TANGO6: variants seen among roughly 807,000 people sequenced by gnomAD.
TANGO6 encodes the protein transport and golgi organization 6 homolog, also known as transport and Golgi organization protein 6 homolog.
A neutral mutation model predicts 114.2 loss-of-function variants in TANGO6; 90 were observed. That is an observed-to-expected ratio of 0.79 (90% confidence interval 0.66 to 0.94). The LOEUF (loss-of-function observed/expected upper bound fraction) is 0.94. Ranked by LOEUF, TANGO6 falls within the 40% of genes least tolerant of loss-of-function variation. The pLI is 0.00. For synonymous variants in TANGO6, 477 were observed against 509.8 expected, an observed-to-expected ratio of 0.94 and a Z score of 0.87; for missense variants, 1,274 against 1,315.3, an observed-to-expected ratio of 0.97 and a Z score of 0.49.
chr16:68,860,181 C>A lies in TANGO6; in HGVS notation c.392C>A (p.Ala131Asp). The change falls in exon 2 of 18, where the codon GCC becomes GAC. Residue 131 changes from alanine to aspartate, a missense_variant. Ala to Asp is a moderately radical substitution (Grantham distance 126). Transcript: ENST00000261778. ...PNPRTPEVAP[A>D]LSPDALSISQ... ...CCTAGGACTCCGGAAGTTGCTCCTGCCCTGAGCCCCGATGCACTTAGTATC... is the reference window on the plus strand; with the variant it reads ...CCTAGGACTCCGGAAGTTGCTCCTGACCTGAGCCCCGATGCACTTAGTATC... 6.2e-7 allele frequency: 1 copy of A among 1,614,020 alleles called. No individual in the cohort carries two copies. The highest frequency in any genetic ancestry group is 8.5e-7 in the Non-Finnish European group (1 of 1,179,908).
chr16:69,059,322 T>G (rs977273409), intron 17 of TANGO6, among the ~76,000 whole-genome samples: 2 of 152,032 alleles, frequency 1.3e-5, no homozygotes, highest in Non-Finnish European at 2.9e-5. Flanking sequence ...TCCACCTGCC[T>G]TGGCCTCCCA....
At chr16:69,047,960 A>C (rs1959888736) in intron 17 of TANGO6, among the ~76,000 whole-genome samples, 1 of 152,212 alleles carries the variant, frequency 6.6e-6, no homozygotes, top group Non-Finnish European at 1.5e-5. Flanking sequence ...GTTTTGTGGG[A>C]GATCAGTATT....
intron 17 of TANGO6, among the ~76,000 whole-genome samples, chr16:69,067,345 C>T (rs1369495848): frequency 6.6e-6 from 1 of 150,606 alleles, no homozygotes; most frequent in Non-Finnish European, 1.5e-5. Flanking sequence ...CCCATCTCTA[C>T]TAAAAATACA....
intron 9 of TANGO6, among the ~76,000 whole-genome samples, 172 bp downstream of exon 9, chr16:68,902,676 G>C (rs188085805): frequency 1.3e-5 from 2 of 152,248 alleles, no homozygotes; most frequent in Admixed American, 6.5e-5. Flanking sequence ...TAATCCTCCA[G>C]GTTTTTTCCT....
Position 69,072,725 on chromosome 16 carries a change from C to T in TANGO6, c.3109-10760C>T, listed in dbSNP as rs570230746. Among the ~76,000 whole-genome samples, 20 of 152,200 alleles carry T rather than the reference C, an allele frequency of 1.3e-4. No individual in the cohort carries two copies. In the South Asian group the frequency reaches 3.1e-3, roughly 24 times the overall value. On this transcript the variant is annotated intron_variant, in intron 17 of 17. Transcript: ENST00000261778. ...ACACTCAGTTACTAAAAACAGAGAT[C>T]CGGTAACTGATAACAGGGAGCTCAG...
chr16:68,925,649 A>G (rs1963157210), intron 12 of TANGO6, among the ~76,000 whole-genome samples: 1 of 152,146 alleles, frequency 6.6e-6, no homozygotes, highest in Non-Finnish European at 1.5e-5. Context: ...TCTTTCATAG[A>G]TCATGCCTTT....
intron 17 of TANGO6, among the ~76,000 whole-genome samples, chr16:69,066,576 C>T (rs548568560): frequency 6.6e-6 from 1 of 152,310 alleles, no homozygotes; most frequent in African/African-American, 2.4e-5. Flanking sequence ...GGATTACAGG[C>T]ATAAGCCACC....
intron 14 of TANGO6, among the ~76,000 whole-genome samples, chr16:68,967,058 C>T (rs529631100): frequency 2.0e-5 from 3 of 152,180 alleles, no homozygotes; most frequent in Admixed American, 6.5e-5. Context: ...AGGTGTGAGC[C>T]GCTGTGCCCA....
chr16:68,908,268 C>T (rs557564473), intron 10 of TANGO6, among the ~76,000 whole-genome samples: 7 of 152,232 alleles, frequency 4.6e-5, no homozygotes, highest in South Asian at 2.1e-4. Flanking sequence ...GCTAACATTT[C>T]GAGAACTTGA....
At chr16:68,959,625 A>G (rs1434621632) in intron 14 of TANGO6, among the ~76,000 whole-genome samples, 1 of 152,122 alleles carries the variant, frequency 6.6e-6, no homozygotes, top group African/African-American at 2.4e-5. Flanking sequence ...AATAAGGAAA[A>G]AATGGAGAAC....
intron 3 of TANGO6, among the ~76,000 whole-genome samples, chr16:68,865,865 C>T (rs563152512): frequency 4.6e-5 from 7 of 152,068 alleles, no homozygotes; most frequent in Admixed American, 1.3e-4. Context: ...TTGCAGCGAG[C>T]CGAGATCGTG....
chr16:68,878,838 T>G (rs1170570064), intron 6 of TANGO6, among the ~76,000 whole-genome samples: 1 of 152,046 alleles, frequency 6.6e-6, no homozygotes, highest in African/African-American at 2.4e-5. Context: ...TTTGGGAGGC[T>G]TAGGCGGGCA....
rs556469200 is a variant in TANGO6 at position 69,066,271 on chromosome 16, T to TATTC, written c.3109-17198_3109-17195dup. Among the ~76,000 whole-genome samples the TATTC allele has an allele frequency of 3.9e-3, 589 of 152,206 alleles. 2 individuals are homozygous for TATTC. The highest frequency in any genetic ancestry group is 6.0e-3 in the Non-Finnish European group (409 of 68,018). On this transcript the variant is annotated intron_variant, in intron 17 of 17. Coordinates refer to ENST00000261778, the MANE Select transcript of TANGO6 (RefSeq NM_024562.2). ...TTCAGAGCTGTGCCTTTCCCCCTCCTATTCATTCATTCATTCATTTGTTTA... is the reference window on the plus strand; with the variant it reads ...TTCAGAGCTGTGCCTTTCCCCCTCCTATTCATTCATTCATTCATTCATTTGTTTA...
chr16:68,912,004 GA>G (rs975539507), intron 11 of TANGO6, among the ~76,000 whole-genome samples: 3 of 152,036 alleles, frequency 2.0e-5, no homozygotes, highest in Admixed American at 6.6e-5. Flanking sequence ...CTGAGTCAAA[GA>G]AAAAAACCCT....
intron 16 of TANGO6, among the ~76,000 whole-genome samples, chr16:69,023,274 G>A (rs954201007): frequency 6.6e-6 from 1 of 152,020 alleles, no homozygotes; most frequent in South Asian, 2.1e-4. Context: ...TGGTCAACAT[G>A]GCGTAACCCT....
chr16:68,882,901 C>T (rs774905108), intron 7 of TANGO6, among the ~76,000 whole-genome samples: 2 of 152,038 alleles, frequency 1.3e-5, no homozygotes, highest in Admixed American at 6.6e-5. Context: ...GCCTGTAGTC[C>T]GAGCTACTCA....
At chr16:69,063,556 G>T (rs1271470713) in intron 17 of TANGO6, among the ~76,000 whole-genome samples, 9 of 146,900 alleles carry the variant, frequency 6.1e-5, no homozygotes, top group Admixed American at 4.2e-4. Flanking sequence ...TGTGGTGGGG[G>T]GCACCTGTAA....
chr16:68,994,756 T>A (rs28651405), intron 15 of TANGO6, among the ~76,000 whole-genome samples: 15,381 of 149,206 alleles, frequency 0.1, 1,017 homozygotes, highest in African/African-American at 0.18. Flanking sequence ...AAAAAAAAAA[T>A]TTTTTTTTTG....
intron 7 of TANGO6, among the ~76,000 whole-genome samples, chr16:68,894,672 G>T (rs1962678881): frequency 6.6e-6 from 1 of 152,046 alleles, no homozygotes; most frequent in South Asian, 2.1e-4. Flanking sequence ...ACAGGGGAAG[G>T]AGGTAAGTAT....
Sources: allele counts gnomAD v4.1 joint callset (sites outside exome capture counted in the v4.1 genomes callset), GRCh38; gene constraint gnomAD v4.1.1; transcripts MANE v1.5; gene names NCBI Gene and HGNC (gene_info 2026-07-23, HGNC 2026-07-21).